NRXN1: variants seen among roughly 807,000 people sequenced by gnomAD.
The protein encoded by NRXN1 is neurexin-1.
NRXN1 carries 39 observed loss-of-function variants against 150.9 expected under a neutral mutation model. The observed-to-expected ratio is 0.26, with a 90% CI of 0.20 to 0.34. NRXN1 has a LOEUF of 0.34. Ranked by LOEUF, NRXN1 falls within the 10% of genes least tolerant of loss-of-function variation. The probability of loss-of-function intolerance (pLI) is 1.00; values close to 1 mark genes in which losing one functional copy is unlikely to be tolerated. For missense variants in NRXN1, 1,815 were observed against 1,949.9 expected (o/e 0.93, Z 1.30); for synonymous variants, 924 against 757.0 (o/e 1.22, Z -3.62).
At chr2:50,634,346 C>G (rs1682908476) in intron 5 of NRXN1, among the ~76,000 whole-genome samples, 1 of 152,118 alleles carries the variant, frequency 6.6e-6, no homozygotes, top group Admixed American at 6.5e-5. Context: ...GGGTTCAAAT[C>G]CCACTCACAT....
chr2:50,019,331 G>A (rs931065071), intron 21 of NRXN1: 2 of 471,086 alleles, frequency 4.2e-6, no homozygotes, highest in Non-Finnish European at 8.8e-6. Flanking sequence ...TGGTATCCTC[G>A]CTTGGAAATT....
intron 17 of NRXN1, among the ~76,000 whole-genome samples, chr2:50,292,558 C>T (rs2073064920): frequency 6.6e-6 from 1 of 152,122 alleles, no homozygotes; most frequent in African/African-American, 2.4e-5. Flanking sequence ...TTAAGAAAAG[C>T]ATGCAAGAGC....
chr2:50,625,368 A>G (rs1464429010), intron 5 of NRXN1, among the ~76,000 whole-genome samples: 1 of 152,142 alleles, frequency 6.6e-6, no homozygotes, highest in Non-Finnish European at 1.5e-5. Flanking sequence ...ATTGACTACT[A>G]GCAAATTATT....
intron 8 of NRXN1, among the ~76,000 whole-genome samples, chr2:50,564,643 T>G (rs1669593759): frequency 6.6e-6 from 1 of 152,158 alleles, no homozygotes; most frequent in Non-Finnish European, 1.5e-5. Flanking sequence ...TTATACTGGG[T>G]GGACTAAATA....
At chr2:50,249,931 C>A (rs552032833) in intron 17 of NRXN1, among the ~76,000 whole-genome samples, 2 of 152,230 alleles carry the variant, frequency 1.3e-5, no homozygotes, top group East Asian at 3.9e-4. Flanking sequence ...AGCCACCGTG[C>A]CTGGCCCAGA....
At chr2:50,739,133 C>A in intron 5 of NRXN1, 1 of 261,890 alleles carries the variant, frequency 3.8e-6, no homozygotes, top group Non-Finnish European at 8.0e-6. Flanking sequence ...ATTTTTATAT[C>A]ATTGTATGTC....
At chr2:50,824,206 A>G (rs1670126958) in intron 5 of NRXN1, among the ~76,000 whole-genome samples, 1 of 152,162 alleles carries the variant, frequency 6.6e-6, no homozygotes, top group South Asian at 2.1e-4. Flanking sequence ...GACAGTACTG[A>G]GTACTTGTTA....
intron 19 of NRXN1, among the ~76,000 whole-genome samples, chr2:50,065,648 T>A (rs970334067): frequency 6.6e-6 from 1 of 152,258 alleles, no homozygotes; most frequent in South Asian, 2.1e-4. Flanking sequence ...ACAGTGGAGA[T>A]CCCAGTGAGA....
chr2:50,465,099 T>G (rs1421120172), intron 17 of NRXN1, among the ~76,000 whole-genome samples: 1 of 151,666 alleles, frequency 6.6e-6, no homozygotes. Flanking sequence ...TCATATGAAA[T>G]TAAGTATTAT....
intron 17 of NRXN1, among the ~76,000 whole-genome samples, chr2:50,250,063 C>T (rs1486871289): frequency 6.6e-6 from 1 of 152,092 alleles, no homozygotes; most frequent in Non-Finnish European, 1.5e-5. Context: ...TGACCTGCTA[C>T]CTTCTTACCT....
chr2:49,940,544 T>C (rs1220678608), intron 22 of NRXN1, among the ~76,000 whole-genome samples: 1 of 152,114 alleles, frequency 6.6e-6, no homozygotes, highest in Non-Finnish European at 1.5e-5. Flanking sequence ...TGATGAAACA[T>C]TATTCAGACT....
chr2:50,095,740 C>T (rs547956997), intron 18 of NRXN1, among the ~76,000 whole-genome samples: 2 of 149,370 alleles, frequency 1.3e-5, no homozygotes, highest in Non-Finnish European at 3.0e-5. Context: ...CAATGAGCAT[C>T]CGTGATGCTT....
At position 51,027,954 on chromosome 2, in the gene NRXN1, G is replaced by T. The variant is rs368549770; in HGVS notation, c.320C>A (p.Thr107Lys). The T allele has an allele frequency of 1.9e-6, 3 of 1,603,048 alleles. No individual in the cohort carries two copies. The highest frequency in any genetic ancestry group is 2.5e-6 in the Non-Finnish European group (3 of 1,179,546). ...GTGCCAGGCGCCGTCGTTAACCGGC[G>T]TGTCGGCCAGGAGCGTCGCAGGCTC... is the stretch of plus-strand genomic sequence containing the variant. ...CAEPATLLAD[T>K]PVNDGAWHSV... Residue 107 changes from threonine to lysine, a missense_variant, in exon 2 of 23, where the codon ACG (threonine) becomes AAG (lysine). This residue lies in a region of NRXN1 where 554 missense variants were observed against 478.8 expected (regional missense o/e 1.16). Coordinates refer to ENST00000401669, the MANE Select transcript of NRXN1 (RefSeq NM_001330078.2).
At chr2:50,182,666 G>A (rs62135866) in intron 18 of NRXN1, among the ~76,000 whole-genome samples, 19,195 of 151,930 alleles carry the variant, frequency 0.13, 1,499 homozygotes, top group South Asian at 0.17. Flanking sequence ...TCGAGCTGTC[G>A]CCATCCTCTA....
chr2:50,015,516 CAAAAA>C (rs34466037), intron 21 of NRXN1, among the ~76,000 whole-genome samples: 2 of 31,288 alleles, frequency 6.4e-5, no homozygotes, highest in Admixed American at 4.6e-4. Context: ...GGATTTCTGC[CAAAAA>C]AAAAAAAAAA....
At chr2:50,135,277 A>G (rs1283545522) in intron 18 of NRXN1, among the ~76,000 whole-genome samples, 2 of 152,254 alleles carry the variant, frequency 1.3e-5, no homozygotes, top group Non-Finnish European at 2.9e-5. Context: ...ACAAGTCATT[A>G]CCAGAGATTT....
chr2:50,129,900 G>T (rs1705213106), intron 18 of NRXN1, among the ~76,000 whole-genome samples: 1 of 152,110 alleles, frequency 6.6e-6, no homozygotes, highest in African/African-American at 2.4e-5. Flanking sequence ...CTGAATTACA[G>T]TTGAAAGTTA....
chr2:50,601,384 T>C (rs1425076287), intron 8 of NRXN1, among the ~76,000 whole-genome samples: 1 of 152,180 alleles, frequency 6.6e-6, no homozygotes. Flanking sequence ...GTATAATACG[T>C]GGTTTGACAT....
intron 17 of NRXN1, among the ~76,000 whole-genome samples, chr2:50,419,723 T>C (rs973303426): frequency 2.0e-5 from 3 of 152,078 alleles, no homozygotes; most frequent in African/African-American, 7.2e-5. Flanking sequence ...TTATCCTTTG[T>C]AATGTAAAAA....
Sources: gnomAD v4.1 joint callset for allele counts (sites outside exome capture counted in the v4.1 genomes callset) on GRCh38, gnomAD v4.1.1 for gene constraint, gnomAD v4.1.1 regional missense constraint, MANE v1.5 for transcripts, NCBI Gene and HGNC (gene_info 2026-07-23, HGNC 2026-07-21) for gene names.